NRXN2: variants seen among roughly 807,000 people sequenced by gnomAD.
The protein encoded by NRXN2 is neurexin-2-beta.
A neutral mutation model predicts 128.8 loss-of-function variants in NRXN2; 29 were observed. The ratio of observed to expected loss-of-function variants is 0.23; its 90% CI spans 0.17 to 0.31. NRXN2 has a LOEUF of 0.31. Ranked by LOEUF, NRXN2 falls within the 10% of genes least tolerant of loss-of-function variation. The pLI is 1.00. For synonymous variants in NRXN2, 1,098 were observed against 1,075.2 expected, an observed-to-expected ratio of 1.02 and a Z score of -0.41; for missense variants, 1,881 against 2,452.6, an observed-to-expected ratio of 0.77 and a Z score of 4.92.
intron 5 of NRXN2, among the ~76,000 whole-genome samples, chr11:64,689,858 A>G (rs2053574350): frequency 6.6e-6 from 1 of 152,230 alleles, no homozygotes; most frequent in Admixed American, 6.5e-5. Context: ...CCATAGCCCC[A>G]GTGCTTGGCA....
chr11:64,680,853 T>C (rs1157518655), intron 6 of NRXN2, among the ~76,000 whole-genome samples: 2 of 151,954 alleles, frequency 1.3e-5, no homozygotes, highest in Non-Finnish European at 2.9e-5. Flanking sequence ...TCCCAGCACT[T>C]TGGGAGGCTG....
intron 17 of NRXN2, among the ~76,000 whole-genome samples, chr11:64,638,181 A>G (rs2135400773): frequency 6.6e-6 from 1 of 152,364 alleles, no homozygotes; most frequent in African/African-American, 2.4e-5. Context: ...GCCCAAGCCC[A>G]GACCTCCCCT....
intron 2 of NRXN2, among the ~76,000 whole-genome samples, chr11:64,700,768 G>A (rs1319676117): frequency 2.0e-5 from 3 of 152,162 alleles, no homozygotes; most frequent in Admixed American, 2.0e-4. Context: ...CAGTGTTTCT[G>A]ATACAAACCT....
intron 3 of NRXN2, among the ~76,000 whole-genome samples, chr11:64,693,421 GGAGA>G (rs1035001480): frequency 1.3e-4 from 19 of 151,604 alleles, no homozygotes; most frequent in African/African-American, 4.1e-4. Context: ...AAAGCCACCT[GGAGA>G]GAGAGAGAGT....
At position 64,620,297 on chromosome 11, in the gene NRXN2, T is replaced by C. The variant is rs567627566; in HGVS notation, c.4249A>G (p.Thr1417Ala). 6.5e-5 allele frequency: 101 copies of C among 1,551,972 alleles called. No homozygotes were observed. The highest frequency in any genetic ancestry group is 5.9e-5 in the Admixed American group (3 of 51,184). ...GGGAGGGGGGAAAGGCACTCACCAGTACTGGGCTCACACTCCTCCAGGTCC... is the reference window on the plus strand; with the variant it reads ...GGGAGGGGGGAAAGGCACTCACCAGCACTGGGCTCACACTCCTCCAGGTCC... ...DEDLEECEPS[T>A]GGELILPIIT... is the part of the protein sequence containing the mutation. The change falls in exon 22 of 23, where the codon ACT (threonine) becomes GCT (alanine). Residue 1417 changes from threonine to alanine, a missense_variant. By Grantham distance (58) the Thr-to-Ala change is moderately conservative (BLOSUM62 0). This residue lies in a region of NRXN2 where 310 missense variants were observed against 318.2 expected (regional missense o/e 0.97). Transcript: ENST00000265459.
intron 2 of NRXN2, among the ~76,000 whole-genome samples, chr11:64,698,866 T>C (rs938623633): frequency 6.6e-6 from 1 of 152,212 alleles, no homozygotes; most frequent in Admixed American, 6.5e-5. Flanking sequence ...TCCAAACATT[T>C]GCCATGTGCC....
chr11:64,620,994 G>A (rs1203307806), intron 21 of NRXN2, among the ~76,000 whole-genome samples: 3 of 151,856 alleles, frequency 2.0e-5, no homozygotes, highest in East Asian at 2.0e-4. Flanking sequence ...GAGGAGGGGG[G>A]CGCTCAGGGG....
At chr11:64,642,133 A>G (rs754283179) in intron 17 of NRXN2, among the ~76,000 whole-genome samples, 4 of 151,744 alleles carry the variant, frequency 2.6e-5, no homozygotes, top group Middle Eastern at 3.2e-3. Flanking sequence ...TGGAGGCAAG[A>G]CAGATGGAGA....
intron 11 of NRXN2, among the ~76,000 whole-genome samples, chr11:64,658,941 A>G (rs1163351966): frequency 2.6e-5 from 4 of 152,194 alleles, no homozygotes; most frequent in African/African-American, 9.6e-5. Flanking sequence ...AGAGAATCAC[A>G]TGAACCCGGG....
intron 14 of NRXN2, among the ~76,000 whole-genome samples, chr11:64,650,856 G>A (rs979299135): frequency 3.9e-5 from 6 of 152,156 alleles, no homozygotes; most frequent in African/African-American, 7.2e-5. Flanking sequence ...CCAAGGAGCC[G>A]GCTCTTGTGA....
intron 1 of NRXN2, among the ~76,000 whole-genome samples, chr11:64,721,726 G>C (rs1257215793): frequency 6.6e-6 from 1 of 152,066 alleles, no homozygotes; most frequent in East Asian, 1.9e-4. Context: ...GGAACACCCA[G>C]ACACTGGGAA....
At chr11:64,654,515 C>T (rs1048224021) in intron 11 of NRXN2, among the ~76,000 whole-genome samples, 1 of 152,234 alleles carries the variant, frequency 6.6e-6, no homozygotes, top group Non-Finnish European at 1.5e-5. Context: ...AGCAAAGTTT[C>T]CTGCCCCTGC....
intron 2 of NRXN2, among the ~76,000 whole-genome samples, chr11:64,708,051 T>C (rs540061495): frequency 2.0e-5 from 3 of 151,968 alleles, no homozygotes; most frequent in South Asian, 2.1e-4. Context: ...TGAGCCAAGA[T>C]TGTGCCATTG....
rs1403833543 is a variant in NRXN2, at chr11:64,648,981, G to C, written c.3110-74C>G. ...CCAAGACAATGGCATCTGGCTGTCA[G>C]GTCCTCCCAGCCTTCTCAGGTTCTC... On this transcript the variant is annotated intron_variant, in intron 15 of 22. Transcript: ENST00000265459. This position sits in a 1 kb window ranked among gnomAD's most constrained non-coding sequence, Gnocchi z 4.1. 2.7e-6 allele frequency: 4 copies of C among 1,500,498 alleles called. No homozygotes were observed. Among genetic ancestry groups the C allele is most frequent in the Non-Finnish European group, 2.8e-6 (3 of 1,079,986 alleles). 92.9% of individuals were successfully genotyped at this position (1,500,498 alleles called of 1,614,324 possible). A position where few individuals can be genotyped will look rare whatever the true frequency, so the allele number is the denominator to read the frequency against.
In NRXN2 at chr11:64,630,370, C is replaced by T. The variant is rs758273602; in HGVS notation, c.3757+32G>A. On this transcript the variant is annotated intron_variant, in intron 19 of 22. Coordinates refer to ENST00000265459, the MANE Select transcript of NRXN2 (RefSeq NM_015080.4). The surrounding 1 kb of genome is among the most constrained non-coding windows in gnomAD (Gnocchi z 4.6). The stretch of plus-strand genomic sequence containing the variant: ...TCAGAGGCCGCCACCCGCCCCGCCA[C>T]CGCGCCTCCTCCGCGGGCCCGCGCC... 5.0e-6 allele frequency: 8 copies of T among 1,596,748 alleles called. No homozygotes were observed. The highest frequency in any genetic ancestry group is 1.7e-5 in the Admixed American group (1 of 59,474).
intron 3 of NRXN2, among the ~76,000 whole-genome samples, chr11:64,696,670 C>A (rs551909767): frequency 1.3e-5 from 2 of 152,254 alleles, no homozygotes; most frequent in East Asian, 3.9e-4. Context: ...TCCAGCCCCA[C>A]ACTCAGGCCA....
At chr11:64,640,870 G>A (rs1413620355) in intron 17 of NRXN2, among the ~76,000 whole-genome samples, 1 of 152,078 alleles carries the variant, frequency 6.6e-6, no homozygotes, top group East Asian at 1.9e-4. Flanking sequence ...AAGCAAAGAG[G>A]GACTGGCATG....
chr11:64,679,965 G>A (rs576005034), intron 6 of NRXN2, among the ~76,000 whole-genome samples: 1 of 152,328 alleles, frequency 6.6e-6, no homozygotes, highest in South Asian at 2.1e-4. Flanking sequence ...CAGACTAACA[G>A]ATGAGCAACA....
rs2055624273 is a variant in NRXN2 at position 64,702,512 on chromosome 11, T to C, written c.731-4720A>G. ...ATCGGTGACCTTACCCCCAACCCTG[T>C]GCTCTCTGAAACATGTGCTGTATCC... On this transcript the variant is annotated intron_variant, in intron 2 of 22. Coordinates refer to ENST00000265459, the MANE Select transcript of NRXN2 (RefSeq NM_015080.4). Among the ~76,000 whole-genome samples, 3 of 151,948 alleles carry C rather than the reference T, an allele frequency of 2.0e-5. No homozygotes were observed. In the South Asian group the frequency reaches 6.2e-4, roughly 32 times the overall value.
Sources: gnomAD v4.1 joint callset for allele counts (sites outside exome capture counted in the v4.1 genomes callset) on GRCh38, gnomAD v4.1.1 for gene constraint, gnomAD v4.1.1 regional missense constraint, Gnocchi (gnomAD v3.1) non-coding constraint, MANE v1.5 for transcripts, NCBI Gene and HGNC (gene_info 2026-07-23, HGNC 2026-07-21) for gene names.